PTPRT: variants seen among roughly 807,000 people sequenced by gnomAD.
PTPRT encodes the protein protein tyrosine phosphatase receptor type T.
A neutral mutation model predicts 176.8 loss-of-function variants in PTPRT; 56 were observed. The ratio of observed to expected loss-of-function variants is 0.32; its 90% CI spans 0.26 to 0.40. The LOEUF (loss-of-function observed/expected upper bound fraction) is 0.40. PTPRT is among the 10% of genes least tolerant of loss of function. PTPRT has a pLI of 1.00. For missense variants in PTPRT, 1,540 were observed against 1,908.2 expected, an observed-to-expected ratio of 0.81 and a Z score of 3.60; for synonymous variants, 783 against 739.0, an observed-to-expected ratio of 1.06 and a Z score of -0.96.
chr20:42,808,268 C>A (rs963006798), intron 2 of PTPRT, among the ~76,000 whole-genome samples: 1 of 152,184 alleles, frequency 6.6e-6, no homozygotes, highest in African/African-American at 2.4e-5. Flanking sequence ...TCCTAATAAA[C>A]ACTCATCTCC....
chr20:43,014,133 C>A (rs562635075), intron 1 of PTPRT, among the ~76,000 whole-genome samples: 1 of 152,126 alleles, frequency 6.6e-6, no homozygotes, highest in African/African-American at 2.4e-5. Context: ...GGGAAAAACA[C>A]ATCTATTCTC....
At chr20:42,469,074 C>T (rs1220114752) in intron 8 of PTPRT, among the ~76,000 whole-genome samples, 2 of 152,018 alleles carry the variant, frequency 1.3e-5, no homozygotes, top group Non-Finnish European at 2.9e-5. Flanking sequence ...TTTGTGAATA[C>T]CTTTTTGTTT....
intron 7 of PTPRT, among the ~76,000 whole-genome samples, chr20:42,537,684 T>A (rs538306906): frequency 6.6e-6 from 1 of 152,292 alleles, no homozygotes; most frequent in African/African-American, 2.4e-5. Context: ...CCAAGCTCCA[T>A]ACTAGGTATT....
intron 1 of PTPRT, among the ~76,000 whole-genome samples, chr20:43,126,114 C>T (rs2013428849): frequency 6.6e-6 from 1 of 152,100 alleles, no homozygotes; most frequent in Non-Finnish European, 1.5e-5. Context: ...CTTTGGGAGG[C>T]TGTGAGGCAG....
At chr20:43,181,557 G>A (rs987094985) in intron 1 of PTPRT, among the ~76,000 whole-genome samples, 1 of 152,084 alleles carries the variant, frequency 6.6e-6, no homozygotes, top group Non-Finnish European at 1.5e-5. Context: ...ATGGCAATGT[G>A]GCAAAATTCT....
intron 13 of PTPRT, among the ~76,000 whole-genome samples, chr20:42,261,254 T>A (rs2056743607): frequency 6.6e-6 from 1 of 152,138 alleles, no homozygotes; most frequent in African/African-American, 2.4e-5. Flanking sequence ...GATGCATCAC[T>A]CCAATCACTG....
intron 2 of PTPRT, among the ~76,000 whole-genome samples, chr20:42,871,668 T>G (rs998992114): frequency 1.7e-5 from 2 of 117,486 alleles, no homozygotes; most frequent in Admixed American, 1.7e-4. Flanking sequence ...ATGGTGTAAG[T>G]TAAGGATCTG....
chr20:42,187,806 T>C (rs143339463), intron 16 of PTPRT, among the ~76,000 whole-genome samples: 1 of 152,356 alleles, frequency 6.6e-6, no homozygotes, highest in African/African-American at 2.4e-5. Flanking sequence ...GCCCCATTTA[T>C]AGCCCACTGT....
chr20:42,745,356 G>T (rs1375829529), intron 6 of PTPRT, among the ~76,000 whole-genome samples: 1 of 152,196 alleles, frequency 6.6e-6, no homozygotes, highest in Admixed American at 6.5e-5. Flanking sequence ...CATGGGGCAG[G>T]ATCTGGGCCA....
intron 1 of PTPRT, among the ~76,000 whole-genome samples, chr20:43,019,970 C>G (rs1423553713): frequency 1.3e-5 from 2 of 151,870 alleles, no homozygotes; most frequent in East Asian, 3.9e-4. Flanking sequence ...GGTTCTGAGG[C>G]CTTCAGACGT....
At chr20:42,974,471 G>A (rs547996495) in intron 1 of PTPRT, among the ~76,000 whole-genome samples, 3 of 151,828 alleles carry the variant, frequency 2.0e-5, no homozygotes, top group East Asian at 3.9e-4. Context: ...CAGTGCACGC[G>A]CGCACACACA....
At chr20:42,120,092 G>A (rs1289099467) in intron 19 of PTPRT, 121 bp from the exon 20 acceptor site, 3 of 817,166 alleles carry the variant, frequency 3.7e-6, no homozygotes, top group Non-Finnish European at 5.7e-6. Context: ...AACAGCATCA[G>A]TTATTCCCAG....
intron 16 of PTPRT, among the ~76,000 whole-genome samples, chr20:42,184,657 T>C (rs1386009575): frequency 6.7e-6 from 1 of 149,018 alleles, no homozygotes; most frequent in Non-Finnish European, 1.5e-5. Context: ...CGATAGAGTT[T>C]CACTCTGTTG....
At chr20:42,478,602 A>G (rs548844512) in intron 7 of PTPRT, among the ~76,000 whole-genome samples, 16 of 152,180 alleles carry the variant, frequency 1.1e-4, no homozygotes, top group African/African-American at 3.9e-4. Flanking sequence ...GCCTCTGCCC[A>G]GCTATTTCCT....
chr20:42,783,232 G>C (rs953943894), intron 3 of PTPRT, among the ~76,000 whole-genome samples: 2 of 152,206 alleles, frequency 1.3e-5, no homozygotes, highest in Non-Finnish European at 2.9e-5. Context: ...TAATAACTAT[G>C]GTGTCAAGTG....
downstream of PTPRT, among the ~76,000 whole-genome samples, chr20:42,068,101 C>T (rs1445572627): frequency 6.6e-6 from 1 of 152,126 alleles, no homozygotes; most frequent in Non-Finnish European, 1.5e-5. Flanking sequence ...TTCACAGCCT[C>T]CAGGCCCCTA....
At chr20:42,219,244 C>T (rs1014435512) in intron 15 of PTPRT, among the ~76,000 whole-genome samples, 1 of 152,158 alleles carries the variant, frequency 6.6e-6, no homozygotes, top group Non-Finnish European at 1.5e-5. Flanking sequence ...AAAGATAAGT[C>T]TGGTCGGTGT....
At chr20:42,982,975 G>A (rs201940676) in intron 1 of PTPRT, among the ~76,000 whole-genome samples, 4 of 152,040 alleles carry the variant, frequency 2.6e-5, no homozygotes, top group African/African-American at 7.2e-5. Flanking sequence ...AAGGTCACAC[G>A]GCCAGCCGGG....
chr20:42,707,189 T>G (rs1214990398), intron 6 of PTPRT, among the ~76,000 whole-genome samples: 1 of 152,200 alleles, frequency 6.6e-6, no homozygotes, highest in Non-Finnish European at 1.5e-5. Flanking sequence ...TTGTTTTTTT[T>G]GCCACACACA....
Sources: allele counts gnomAD v4.1 joint callset (sites outside exome capture counted in the v4.1 genomes callset), GRCh38; gene constraint gnomAD v4.1.1; transcripts MANE v1.5; gene names NCBI Gene and HGNC (gene_info 2026-07-23, HGNC 2026-07-21).